The following TMEM131 variants were observed in gnomAD, a reference collection of about 807,000 sequenced individuals.
TMEM131 encodes the protein 2610524E03Rik.
Under a neutral mutation model 211.6 loss-of-function variants are expected in TMEM131, and 66 were observed. The ratio of observed to expected loss-of-function variants is 0.31; its 90% CI spans 0.26 to 0.38. The LOEUF (loss-of-function observed/expected upper bound fraction) is 0.38. TMEM131 is among the 10% of genes least tolerant of loss of function. The pLI, the probability that TMEM131 is intolerant of heterozygous loss-of-function variation, is 1.00. For synonymous variants in TMEM131, 844 were observed against 841.3 expected (o/e 1.00, Z -0.06); for missense variants, 2,036 against 2,299.3 (o/e 0.89, Z 2.34).
intron 1 of TMEM131, among the ~76,000 whole-genome samples, chr2:97,980,103 G>A (rs1021807057): frequency 2.0e-5 from 3 of 152,196 alleles, no homozygotes; most frequent in African/African-American, 4.8e-5. Context: ...TAAGCCTGCA[G>A]TGTCATATGG....
chr2:97,761,183 T>G, intron 36 of TMEM131: 1 of 348,984 alleles, frequency 2.9e-6, no homozygotes, highest in South Asian at 4.5e-5. Context: ...GGCAGAGGCT[T>G]CGATCACACT....
intron 28 of TMEM131, 43 bp from the exon 29 acceptor site, chr2:97,795,158 C>A: frequency 6.8e-7 from 1 of 1,476,204 alleles, no homozygotes; most frequent in Non-Finnish European, 9.3e-7. Flanking sequence ...TTAAAAATAT[C>A]TCACAAGCAG....
intron 11 of TMEM131, among the ~76,000 whole-genome samples, chr2:97,832,477 G>A (rs1682748923): frequency 6.6e-6 from 1 of 152,130 alleles, no homozygotes; most frequent in Non-Finnish European, 1.5e-5. Context: ...GTGGTTACCT[G>A]GGAAGACCAT....
intron 2 of TMEM131, among the ~76,000 whole-genome samples, chr2:97,920,809 G>T (rs1165446249): frequency 1.3e-5 from 2 of 152,096 alleles, no homozygotes; most frequent in African/African-American, 4.8e-5. Flanking sequence ...AGATGTTCAA[G>T]ATCTTTATGC....
intron 1 of TMEM131, among the ~76,000 whole-genome samples, chr2:97,931,638 G>A (rs768629330): frequency 2.2e-4 from 33 of 152,118 alleles, no homozygotes; most frequent in Non-Finnish European, 4.0e-4. Flanking sequence ...TAGGAACCTA[G>A]GTTGTCATTG....
At chr2:97,766,653 G>A in intron 33 of TMEM131, 51 bp from the exon 34 acceptor site, 2 of 1,597,728 alleles carry the variant, frequency 1.3e-6, no homozygotes, top group Non-Finnish European at 1.7e-6. Context: ...CTGTTTTGGA[G>A]GACAGAAGTC....
chr2:97,801,390 G>C (rs1681029263), intron 25 of TMEM131, among the ~76,000 whole-genome samples: 1 of 152,150 alleles, frequency 6.6e-6, no homozygotes, highest in South Asian at 2.1e-4. Flanking sequence ...TTGGTTCCTA[G>C]AACAAACCAG....
intron 10 of TMEM131, among the ~76,000 whole-genome samples, chr2:97,833,831 T>G (rs1379115094): frequency 1.3e-5 from 2 of 152,036 alleles, no homozygotes; most frequent in African/African-American, 4.8e-5. Context: ...CAGACTTTTG[T>G]ATTATTTTTT....
At chr2:97,949,349 G>C (rs1678193583) in intron 1 of TMEM131, among the ~76,000 whole-genome samples, 1 of 152,074 alleles carries the variant, frequency 6.6e-6, no homozygotes, top group Non-Finnish European at 1.5e-5. Flanking sequence ...CTGTCGCCTG[G>C]GATTAGGAAG....
At chr2:97,913,210 GCT>G (rs1266795059) in intron 2 of TMEM131, 1 of 152,162 alleles carries the variant, frequency 6.6e-6, no homozygotes, top group Non-Finnish European at 1.5e-5. Flanking sequence ...TGCACAGGAC[GCT>G]CTTTCTTCTA....
chr2:97,881,237 C>T (rs571501768), intron 4 of TMEM131, among the ~76,000 whole-genome samples: 12 of 138,300 alleles, frequency 8.7e-5, no homozygotes, highest in Admixed American at 2.8e-4. Context: ...TTCTTTCTTG[C>T]GACTCTTTTT....
chr2:97,993,150 A>T (rs2104690215), intron 1 of TMEM131, among the ~76,000 whole-genome samples: 1 of 152,370 alleles, frequency 6.6e-6, no homozygotes, highest in South Asian at 2.1e-4. Context: ...ATTATACAGT[A>T]ATGAAGGAAA....
rs183231103 is a variant in TMEM131 at position 97,865,719 on chromosome 2, G to A, written c.360-6292C>T. On this transcript the variant is annotated intron_variant, in intron 4 of 40. Coordinates refer to ENST00000186436, the MANE Select transcript of TMEM131 (RefSeq NM_015348.2). ...TATTTTCTTGTAGTGTCTTTGTCTG[G>A]TTTTGGTATTAGGGTAATACAGATC... 5.3e-5 allele frequency among the ~76,000 whole-genome samples: 8 copies of A among 152,272 alleles called. No individual in the cohort carries two copies. The East Asian group carries it at 1.5e-3, about 29-fold the overall frequency.
chr2:97,859,223 C>A, intron 5 of TMEM131, 81 bp downstream of exon 5: 1 of 1,411,130 alleles, frequency 7.1e-7, no homozygotes, highest in South Asian at 1.4e-5. Context: ...CAATTCTAAT[C>A]ACAGCAAGTT....
chr2:97,912,868 T>TG (rs1676344003), intron 2 of TMEM131, among the ~76,000 whole-genome samples: 2 of 152,146 alleles, frequency 1.3e-5, no homozygotes, highest in South Asian at 4.1e-4. Flanking sequence ...GGGAGGAAAA[T>TG]GGACTCTTCT....
In TMEM131 at chr2:97,995,762, C is replaced by A; in HGVS notation, c.-100G>T. On this transcript the variant is annotated 5_prime_UTR_variant, in exon 1 of 41. Coordinates refer to ENST00000186436, the MANE Select transcript of TMEM131 (RefSeq NM_015348.2). ...CGTGGTCCGGGCTCTGGCCGCGGCG[C>A]CGGGAGCGACAACGGTTGCGAGCCC... 2.2e-6 allele frequency: 2 copies of A among 926,394 alleles called. No individual in the cohort carries two copies. The highest frequency in any genetic ancestry group is 2.7e-6 in the Non-Finnish European group (2 of 741,256). 57.4% of individuals were successfully genotyped at this position (926,394 alleles called of 1,614,324 possible). A position where few individuals can be genotyped will look rare whatever the true frequency, so the allele number is the denominator to read the frequency against.
chr2:97,854,251 C>A (rs1336517443), intron 5 of TMEM131, among the ~76,000 whole-genome samples: 1 of 152,094 alleles, frequency 6.6e-6, no homozygotes, highest in Non-Finnish European at 1.5e-5. Context: ...CAGTTTTTAG[C>A]AATAAAGTAT....
intron 40 of TMEM131, among the ~76,000 whole-genome samples, chr2:97,757,676 C>T (rs1678568087): frequency 6.6e-6 from 1 of 152,134 alleles, no homozygotes; most frequent in Non-Finnish European, 1.5e-5. Context: ...GCTGGGATTA[C>T]AGGCACTAGC....
intron 1 of TMEM131, among the ~76,000 whole-genome samples, chr2:97,944,990 C>T (rs1485944059): frequency 6.6e-6 from 1 of 152,052 alleles, no homozygotes; most frequent in Admixed American, 6.5e-5. Flanking sequence ...AATACTTGTG[C>T]AAACAAAAAC....
Sources: allele counts gnomAD v4.1 joint callset (sites outside exome capture counted in the v4.1 genomes callset), GRCh38; gene constraint gnomAD v4.1.1; transcripts MANE v1.5; gene names NCBI Gene and HGNC (gene_info 2026-07-23, HGNC 2026-07-21).